Variants in CSTPP1 observed in about 807,000 individuals in gnomAD.
CSTPP1 encodes UPF0705 protein C11orf49.
At chr11:47,085,206 C>G in the CSTPP1 span, among the ~76,000 whole-genome samples, 1 of 152,010 alleles carries the variant, frequency 6.6e-6, no homozygotes, top group Non-Finnish European at 1.5e-5. Flanking sequence ...CCATCTCAAA[C>G]AAACAAACAA....
the CSTPP1 span, among the ~76,000 whole-genome samples, chr11:47,030,612 A>G: frequency 1.3e-5 from 2 of 152,226 alleles, no homozygotes; most frequent in African/African-American, 4.8e-5. Context: ...AGATTATTTC[A>G]TCACTCAGGT....
At chr11:47,008,847 G>T in the CSTPP1 span, among the ~76,000 whole-genome samples, 2 of 151,882 alleles carry the variant, frequency 1.3e-5, no homozygotes, top group Non-Finnish European at 2.9e-5. Flanking sequence ...TGGCTAACAC[G>T]GTGAAACCCC....
the CSTPP1 span, chr11:47,052,722 G>A: frequency 1.7e-6 from 1 of 596,418 alleles, no homozygotes; most frequent in South Asian, 2.3e-5. Context: ...TCTGGTTTAT[G>A]TCAAAGATAT....
chr11:47,107,148 G>T, the CSTPP1 span, among the ~76,000 whole-genome samples: 1 of 152,144 alleles, frequency 6.6e-6, no homozygotes, highest in Admixed American at 6.6e-5. Context: ...GAGCCAAGGG[G>T]TTAGTTCATT....
the CSTPP1 span, among the ~76,000 whole-genome samples, chr11:47,057,684 T>C: frequency 2.0e-4 from 31 of 152,204 alleles, 1 homozygote; most frequent in East Asian, 5.6e-3. Context: ...CAGCCAGTAT[T>C]TACAGGTCAG....
At chr11:47,092,716 C>G in the CSTPP1 span, among the ~76,000 whole-genome samples, 1 of 152,168 alleles carries the variant, frequency 6.6e-6, no homozygotes, top group South Asian at 2.1e-4. Context: ...TACAATTTCC[C>G]CAATTGTTCC....
At chr11:47,049,195 C>T in the CSTPP1 span, among the ~76,000 whole-genome samples, 4 of 152,064 alleles carry the variant, frequency 2.6e-5, no homozygotes, top group African/African-American at 9.6e-5. Flanking sequence ...CTATGTTGCC[C>T]AGGCTGGTCT....
the CSTPP1 span, among the ~76,000 whole-genome samples, chr11:47,069,520 C>T: frequency 6.6e-6 from 1 of 152,058 alleles, no homozygotes; most frequent in Non-Finnish European, 1.5e-5. Flanking sequence ...TTCCATTTTA[C>T]CTATCTTCAA....
At chr11:47,027,580 C>T in the CSTPP1 span, among the ~76,000 whole-genome samples, 2 of 152,196 alleles carry the variant, frequency 1.3e-5, no homozygotes, top group Non-Finnish European at 2.9e-5. Context: ...AAGAAACTAA[C>T]TCTGCTACTG....
chr11:47,110,089 C>T, the CSTPP1 span, among the ~76,000 whole-genome samples: 1 of 152,186 alleles, frequency 6.6e-6, no homozygotes, highest in African/African-American at 2.4e-5. Context: ...GTGTATCACA[C>T]CACCCTGCCT....
the CSTPP1 span, among the ~76,000 whole-genome samples, chr11:46,988,592 G>T: frequency 1.5e-5 from 2 of 134,132 alleles, no homozygotes; most frequent in Non-Finnish European, 3.2e-5. Context: ...TGGGGGAAGA[G>T]GTGGGGATGG....
the CSTPP1 span, among the ~76,000 whole-genome samples, chr11:47,116,934 G>C: frequency 2.0e-5 from 3 of 152,068 alleles, no homozygotes; most frequent in South Asian, 4.1e-4. Flanking sequence ...GCCCACCTCA[G>C]CCTCCCAAAG....
At chr11:47,053,501 C>T in the CSTPP1 span, among the ~76,000 whole-genome samples, 67 of 151,820 alleles carry the variant, frequency 4.4e-4, no homozygotes, top group Non-Finnish European at 2.1e-4. Context: ...CTCCTATAAT[C>T]CCAGCTATTC....
chr11:47,133,406 G>A, the CSTPP1 span, among the ~76,000 whole-genome samples: 3 of 152,218 alleles, frequency 2.0e-5, no homozygotes, highest in Non-Finnish European at 4.4e-5. Context: ...TCTTCTAATT[G>A]TGGGGGGATC....
At chr11:47,081,008 C>CAA in the CSTPP1 span, among the ~76,000 whole-genome samples, 176 of 79,874 alleles carry the variant, frequency 2.2e-3, 1 homozygote, top group Non-Finnish European at 3.3e-3. Context: ...GACCCCATCT[C>CAA]AAAAAAAAAA....
At chr11:47,007,943 C>A in the CSTPP1 span, among the ~76,000 whole-genome samples, 1 of 152,088 alleles carries the variant, frequency 6.6e-6, no homozygotes, top group Middle Eastern at 3.4e-3. Flanking sequence ...CAGCCCCCAA[C>A]GTGGGTGGGT....
the CSTPP1 span, among the ~76,000 whole-genome samples, chr11:47,092,053 G>A: frequency 1.3e-5 from 2 of 152,164 alleles, no homozygotes; most frequent in Admixed American, 6.5e-5. Context: ...CTGGCTTCAG[G>A]ACTTATTTGC....
the CSTPP1 span, among the ~76,000 whole-genome samples, chr11:47,086,234 C>CAAAAAAAAAAAAAAAAAAAA: frequency 6.7e-5 from 6 of 89,432 alleles, 3 homozygotes; most frequent in African/African-American, 9.3e-5. Context: ...ACTAAAAATC[C>CAAAAAAAAAAAAAAAAAAAA]AAAAAAAAAA....
At chr11:47,137,552 CAA>C in the CSTPP1 span, 15 of 1,597,748 alleles carry the variant, frequency 9.4e-6, no homozygotes, top group Admixed American at 1.7e-5. Flanking sequence ...ACAGCTCTAC[CAA>C]GACCAGGTCT....
Sources: gnomAD v4.1 joint callset for allele counts (sites outside exome capture counted in the v4.1 genomes callset) on GRCh38, gnomAD v4.1.1 for gene constraint, MANE v1.5 for transcripts, NCBI Gene and HGNC (gene_info 2026-07-23, HGNC 2026-07-21) for gene names.